Variants in FAM118B observed in about 807,000 individuals in gnomAD.
FAM118B encodes protein FAM118B.
Under a neutral mutation model 38.5 loss-of-function variants are expected in FAM118B, and 24 were observed. That is an observed-to-expected ratio of 0.62 (90% CI 0.45 to 0.88). The LOEUF is 0.88. FAM118B is among the 40% of genes least tolerant of loss of function. The probability of loss-of-function intolerance (pLI) is 0.00; values close to 1 mark genes in which losing one functional copy is unlikely to be tolerated. For synonymous variants in FAM118B, 138 were observed against 156.3 expected, an observed-to-expected ratio of 0.88 and a Z score of 0.87; for missense variants, 334 against 420.0, an observed-to-expected ratio of 0.80 and a Z score of 1.79.
intron 7 of FAM118B, among the ~76,000 whole-genome samples, chr11:126,257,819 A>C (rs1386646483): frequency 3.3e-5 from 5 of 152,198 alleles, no homozygotes; most frequent in Non-Finnish European, 7.3e-5. Context: ...GGATAGGGGT[A>C]TCATACACTT....
At chr11:126,246,122 A>C (rs2135187139) in intron 4 of FAM118B, among the ~76,000 whole-genome samples, 1 of 152,336 alleles carries the variant, frequency 6.6e-6, no homozygotes, top group East Asian at 1.9e-4. Context: ...CTTAATAATA[A>C]AAATGATATA....
intron 1 of FAM118B, among the ~76,000 whole-genome samples, chr11:126,219,232 T>C (rs1330680736): frequency 6.6e-6 from 1 of 152,108 alleles, no homozygotes; most frequent in Non-Finnish European, 1.5e-5. Flanking sequence ...ACAGAAGTTA[T>C]CATGTTTTAT....
intron 4 of FAM118B, among the ~76,000 whole-genome samples, chr11:126,249,418 A>G (rs189588991): frequency 1.3e-5 from 2 of 152,222 alleles, no homozygotes; most frequent in East Asian, 3.9e-4. Context: ...AAACAGCTGT[A>G]CAAACACCTA....
intron 7 of FAM118B, among the ~76,000 whole-genome samples, chr11:126,259,675 C>T (rs569741702): frequency 6.2e-4 from 93 of 148,832 alleles, no homozygotes; most frequent in African/African-American, 2.2e-3. Flanking sequence ...TCCACCCGCC[C>T]TGGCCTCCCA....
intron 8 of FAM118B, 62 bp downstream of exon 8, chr11:126,261,546 G>C: frequency 7.2e-7 from 1 of 1,388,542 alleles, no homozygotes; most frequent in South Asian, 1.2e-5. Flanking sequence ...TAGGTCCTTG[G>C]TTAAGAATAT....
At chr11:126,214,512 T>TTTTTTTTTTTTTTTTTTTTTC (rs1949951041) in intron 1 of FAM118B, 1 of 44,686 alleles carries the variant, frequency 2.2e-5, no homozygotes, top group Non-Finnish European at 4.8e-5. Context: ...TGTTTTTTTT[T>TTTTTTTTTTTTTTTTTTTTTC]TGTTTTTTTT....
intron 7 of FAM118B, among the ~76,000 whole-genome samples, chr11:126,259,761 C>T (rs1354310284): frequency 7.0e-6 from 1 of 143,128 alleles, no homozygotes; most frequent in Non-Finnish European, 1.5e-5. Flanking sequence ...CTCTCTGTCA[C>T]CCAGGCTAGA....
Position 126,250,608 on chromosome 11 carries a change from T to C in FAM118B, c.442T>C (p.Ser148Pro), listed in dbSNP as rs1950490471. Residue 148 changes from serine to proline, a missense_variant, in exon 5 of 9, where the codon TCA becomes CCA. Ser to Pro is a moderately conservative substitution (Grantham distance 74). Coordinates refer to ENST00000533050, the MANE Select transcript of FAM118B (RefSeq NM_024556.4). The surrounding 1 kb of genome is among the most constrained non-coding windows in gnomAD (Gnocchi z 5.1). Reference sequence around the variant, plus strand: ...AGATTCTGGAAAACAGCTACTTCAGTCAGTTCTCCACCTGATGGAAAATGG... The same window carrying C: ...AGATTCTGGAAAACAGCTACTTCAGCCAGTTCTCCACCTGATGGAAAATGG... ...MEDSGKQLLQ[S>P]VLHLMENGAL... 1 of 1,613,842 alleles carries C rather than the reference T, an allele frequency of 6.2e-7. No individual in the cohort carries two copies. Among genetic ancestry groups the C allele is most frequent in the Admixed American group, 1.7e-5 (1 of 60,010 alleles).
rs573730696 is a variant in FAM118B, at chr11:126,239,072, A to G, written c.87-1720A>G. Among the ~76,000 whole-genome samples, 3 of 150,354 alleles carry G rather than the reference A, an allele frequency of 2.0e-5. No individual in the cohort carries two copies. The East Asian group carries it at 5.9e-4, about 30-fold the overall frequency. On this transcript the variant is annotated intron_variant, in intron 3 of 8. Coordinates refer to ENST00000533050, the MANE Select transcript of FAM118B (RefSeq NM_024556.4). The stretch of plus-strand genomic sequence containing the variant: ...ACTGCAACCTCAGCCTCCTGGGCTC[A>G]CGTGATCCTCCCGTGAACTTAGCCT...
intron 5 of FAM118B, 109 bp from the exon 6 acceptor site, chr11:126,254,196 G>A: frequency 7.6e-7 from 1 of 1,320,222 alleles, no homozygotes; most frequent in Non-Finnish European, 1.0e-6. Flanking sequence ...CATGAAGCTA[G>A]AGAGTTTATG....
At chr11:126,222,671 T>C (rs1337253316) in intron 1 of FAM118B, among the ~76,000 whole-genome samples, 1 of 152,238 alleles carries the variant, frequency 6.6e-6, no homozygotes, top group African/African-American at 2.4e-5. Flanking sequence ...GAGAAAATAC[T>C]ACAACCTTCC....
At position 126,262,414 on chromosome 11, in the gene FAM118B, A is replaced by C. The variant is rs1380921109; in HGVS notation, c.*281A>C. 1.0e-5 allele frequency: 5 copies of C among 485,766 alleles called. No homozygotes were observed. Among genetic ancestry groups the C allele is most frequent in the African/African-American group, 2.0e-5 (1 of 51,074 alleles). The allele number at this position is 485,766 out of a possible 1,614,324, so 30.1% of individuals were successfully genotyped here. A position where few individuals can be genotyped will look rare whatever the true frequency, so the allele number is the denominator to read the frequency against. ...CCAGGCTAGACATGCTTGTGTCCAC[A>C]CAGCACACCAATGTGATACTTCCAC... On this transcript the variant is annotated 3_prime_UTR_variant, in exon 9 of 9. Transcript: ENST00000533050.
intron 2 of FAM118B, among the ~76,000 whole-genome samples, chr11:126,232,783 T>G (rs1318471018): frequency 6.6e-6 from 1 of 151,962 alleles, no homozygotes; most frequent in Non-Finnish European, 1.5e-5. Context: ...AACTAATGGA[T>G]TGTCCTGTGT....
chr11:126,223,583 G>GAA (rs35811458), intron 1 of FAM118B, among the ~76,000 whole-genome samples: 21,144 of 118,044 alleles, frequency 0.18, 2,224 homozygotes, highest in East Asian at 0.64. Context: ...GCGAAAGAGC[G>GAA]AAAAAAAAAA....
chr11:126,214,516 T>TTTTTTTTTTTTTTTTTTTTTG (rs1949952721), intron 1 of FAM118B: 1 of 92,512 alleles, frequency 1.1e-5, no homozygotes, highest in African/African-American at 3.8e-5. Flanking sequence ...TTTTTTTTGT[T>TTTTTTTTTTTTTTTTTTTTTG]TTTTTTTTTT....
chr11:126,247,129 C>T (rs1015244994), intron 4 of FAM118B, among the ~76,000 whole-genome samples: 4 of 152,058 alleles, frequency 2.6e-5, no homozygotes, highest in Non-Finnish European at 4.4e-5. Context: ...CCTGTCTGTA[C>T]GAAAAATTTA....
chr11:126,232,378 A>T (rs1384127744), intron 2 of FAM118B, among the ~76,000 whole-genome samples: 1 of 152,194 alleles, frequency 6.6e-6, no homozygotes, highest in Non-Finnish European at 1.5e-5. Flanking sequence ...ATAAGGTAAG[A>T]ACAATGCCTC....
At chr11:126,254,727 G>A (rs1479420896) in intron 6 of FAM118B, among the ~76,000 whole-genome samples, 1 of 152,228 alleles carries the variant, frequency 6.6e-6, no homozygotes, top group Non-Finnish European at 1.5e-5. Context: ...TTGGGAGGCT[G>A]AGGCAGGAAG....
At chr11:126,236,302 G>A (rs79589989) in intron 3 of FAM118B, among the ~76,000 whole-genome samples, 4 of 152,228 alleles carry the variant, frequency 2.6e-5, no homozygotes, top group African/African-American at 9.6e-5. Context: ...TATTTGAAAA[G>A]GTCTTTATCA....
Sources: allele counts gnomAD v4.1 joint callset (sites outside exome capture counted in the v4.1 genomes callset), GRCh38; gene constraint gnomAD v4.1.1; non-coding constraint Gnocchi (gnomAD v3.1); transcripts MANE v1.5; gene names NCBI Gene and HGNC (gene_info 2026-07-23, HGNC 2026-07-21).